Variants in CALN1 observed in about 807,000 individuals in gnomAD.
The protein encoded by CALN1 is calneuron 1.
CALN1 carries 17 observed loss-of-function variants against 30.6 expected under a neutral mutation model. The observed-to-expected ratio is 0.56, with a 90% CI of 0.38 to 0.83. The LOEUF (loss-of-function observed/expected upper bound fraction) is 0.83. Among genes scored for constraint, CALN1 ranks in the 40% least tolerant of loss-of-function variants. The pLI is 0.00. For synonymous variants in CALN1, 156 were observed against 131.4 expected, an observed-to-expected ratio of 1.19 and a Z score of -1.28; for missense variants, 291 against 354.9, an observed-to-expected ratio of 0.82 and a Z score of 1.45.
intron 5 of CALN1, among the ~76,000 whole-genome samples, chr7:71,855,478 C>T (rs967923847): frequency 1.8e-4 from 28 of 152,132 alleles, no homozygotes; most frequent in African/African-American, 6.5e-4. Flanking sequence ...GCCCCAAAGG[C>T]CATAAATGTC....
chr7:71,792,016 GA>G (rs11437642), intron 6 of CALN1, among the ~76,000 whole-genome samples: 6 of 147,810 alleles, frequency 4.1e-5, no homozygotes, highest in Admixed American at 2.7e-4. Flanking sequence ...CTCAAAAAAA[GA>G]AAAAAAAAAT....
chr7:71,914,824 T>C (rs1794603936), intron 5 of CALN1, among the ~76,000 whole-genome samples: 1 of 152,234 alleles, frequency 6.6e-6, no homozygotes, highest in Admixed American at 6.5e-5. Context: ...TTTCCTATGA[T>C]TGTTGGCCGC....
chr7:71,929,673 T>A (rs1795447842), intron 5 of CALN1, among the ~76,000 whole-genome samples: 1 of 152,260 alleles, frequency 6.6e-6, no homozygotes, highest in South Asian at 2.1e-4. Flanking sequence ...ATGTCCACTT[T>A]TTGGCTATTG....
the CALN1 span, among the ~76,000 whole-genome samples, chr7:72,501,928 A>AAAAAAAATAT: frequency 4.1e-4 from 24 of 57,940 alleles, no homozygotes; most frequent in African/African-American, 2.1e-3. Flanking sequence ...AAAAAAAAAA[A>AAAAAAAATAT]ATATATATAT....
intron 4 of CALN1, among the ~76,000 whole-genome samples, chr7:72,077,010 GCAAAACCAAGAAT>G (rs1804793882): frequency 6.6e-6 from 1 of 151,848 alleles, no homozygotes; most frequent in African/African-American, 2.4e-5. Flanking sequence ...TCTTGCTACA[GCAAAACCAAGAAT>G]CAAAACCAAG....
intron 6 of CALN1, among the ~76,000 whole-genome samples, chr7:71,799,799 A>G (rs954357614): frequency 1.3e-5 from 2 of 152,036 alleles, no homozygotes; most frequent in Non-Finnish European, 2.9e-5. Context: ...CTGTTTCAGA[A>G]TCTCATTGCT....
chr7:72,336,009 C>T (rs553550015), intron 2 of CALN1, among the ~76,000 whole-genome samples: 3 of 152,322 alleles, frequency 2.0e-5, no homozygotes, highest in African/African-American at 4.8e-5. Context: ...AGACGGATCC[C>T]ACCCCCACCT....
chr7:72,456,926 AG>A, the CALN1 span, among the ~76,000 whole-genome samples: 21 of 151,982 alleles, frequency 1.4e-4, no homozygotes, highest in Non-Finnish European at 2.9e-4. Flanking sequence ...GAGCCCAAGT[AG>A]GTAATGAGGG....
intron 2 of CALN1, among the ~76,000 whole-genome samples, chr7:72,316,225 A>C (rs144851777): frequency 1.1e-4 from 16 of 152,210 alleles, no homozygotes; most frequent in Non-Finnish European, 1.6e-4. Flanking sequence ...CATTAGTGAA[A>C]TCGAAAACAA....
intron 4 of CALN1, among the ~76,000 whole-genome samples, chr7:72,068,364 C>T (rs975262571): frequency 6.6e-6 from 1 of 152,150 alleles, no homozygotes; most frequent in Non-Finnish European, 1.5e-5. Flanking sequence ...TTCCCACAAC[C>T]CTTTAACTAC....
At chr7:72,340,181 G>A (rs114532460) in intron 2 of CALN1, among the ~76,000 whole-genome samples, 2,079 of 152,238 alleles carry the variant, frequency 0.014, 59 homozygotes, top group African/African-American at 0.047. Flanking sequence ...TGCAAACCCC[G>A]TATTTTTAGA....
intron 5 of CALN1, among the ~76,000 whole-genome samples, chr7:71,963,440 T>C (rs560541514): frequency 3.9e-5 from 6 of 152,190 alleles, no homozygotes; most frequent in South Asian, 2.1e-4. Context: ...GGATTACAGG[T>C]GTGAGCCACT....
chr7:72,239,877 C>T (rs1470903971), intron 3 of CALN1, among the ~76,000 whole-genome samples: 1 of 152,186 alleles, frequency 6.6e-6, no homozygotes. Flanking sequence ...AGTGCCTCCC[C>T]TCCTGAAAGC....
chr7:71,881,691 A>C (rs1792577498), intron 5 of CALN1, among the ~76,000 whole-genome samples: 1 of 152,066 alleles, frequency 6.6e-6, no homozygotes, highest in South Asian at 2.1e-4. Flanking sequence ...GCTCTCCATG[A>C]TTTGACCTTT....
chr7:72,491,509 C>T, the CALN1 span, among the ~76,000 whole-genome samples: 2 of 152,080 alleles, frequency 1.3e-5, no homozygotes, highest in Admixed American at 1.3e-4. Flanking sequence ...GTTGAGGTTG[C>T]AGTGAGCTAT....
chr7:72,121,870 TATTA>T (rs536547102), intron 3 of CALN1, among the ~76,000 whole-genome samples: 2 of 147,516 alleles, frequency 1.4e-5, no homozygotes, highest in East Asian at 3.9e-4. Context: ...TATAATTATA[TATTA>T]ATTATAAATT....
intron 5 of CALN1, among the ~76,000 whole-genome samples, chr7:71,961,745 C>T (rs974182619): frequency 3.9e-5 from 6 of 152,120 alleles, no homozygotes; most frequent in Non-Finnish European, 7.3e-5. Flanking sequence ...TTGGGTTAGG[C>T]CAATTCAGAC....
chr7:71,824,888 C>G (rs140941659), intron 5 of CALN1, among the ~76,000 whole-genome samples: 2 of 152,206 alleles, frequency 1.3e-5, no homozygotes, highest in East Asian at 1.9e-4. Flanking sequence ...CTGATGGGGT[C>G]TTGAACAGCT....
At chr7:72,500,452 T>G in the CALN1 span, among the ~76,000 whole-genome samples, 1 of 151,510 alleles carries the variant, frequency 6.6e-6, no homozygotes, top group Non-Finnish European at 1.5e-5. Flanking sequence ...GGCTAATTTT[T>G]GTATTTTTAG....
Sources: gnomAD v4.1 joint callset for allele counts (sites outside exome capture counted in the v4.1 genomes callset) on GRCh38, gnomAD v4.1.1 for gene constraint, MANE v1.5 for transcripts, NCBI Gene and HGNC (gene_info 2026-07-23, HGNC 2026-07-21) for gene names.